The following FSHR variants were observed in gnomAD, a reference collection of about 807,000 sequenced individuals.
FSHR encodes the protein follicle stimulating hormone receptor.
FSHR carries 46 observed loss-of-function variants against 52.1 expected under a neutral mutation model. That is an observed-to-expected ratio of 0.88 (90% CI 0.70 to 1.13). The LOEUF is 1.13. Ranked by LOEUF, FSHR falls within the 50% of genes most tolerant of loss-of-function variation. FSHR has a pLI of 0.00. For synonymous variants in FSHR, 399 were observed against 309.6 expected, an observed-to-expected ratio of 1.29 and a Z score of -3.03; for missense variants, 964 against 834.6, an observed-to-expected ratio of 1.16 and a Z score of -1.91.
intron 4 of FSHR, among the ~76,000 whole-genome samples, chr2:49,015,773 G>C (rs560188897): frequency 6.6e-6 from 1 of 152,284 alleles, no homozygotes; most frequent in African/African-American, 2.4e-5. Context: ...AGCAGGACTG[G>C]CTACGTAATT....
chr2:49,040,068 T>C (rs1668426685), intron 2 of FSHR, among the ~76,000 whole-genome samples: 1 of 152,182 alleles, frequency 6.6e-6, no homozygotes, highest in African/African-American at 2.4e-5. Context: ...GGAGAGTCTA[T>C]AGGTTATCAA....
Position 49,121,725 on chromosome 2 carries a change from C to T in FSHR, c.152+32541G>A, listed in dbSNP as rs527287483. On this transcript the variant is annotated intron_variant, in intron 1 of 9. Coordinates refer to ENST00000406846, the MANE Select transcript of FSHR (RefSeq NM_000145.4). ...TGCATAGCAACCTTAACTCCAACAT[C>T]GGAGTTTGTCACCCAAAAACTGGTT... 7.2e-5 allele frequency among the ~76,000 whole-genome samples: 11 copies of T among 152,290 alleles called. No individual in the cohort carries two copies. In the South Asian group the frequency reaches 1.5e-3, roughly 20 times the overall value.
intron 1 of FSHR, among the ~76,000 whole-genome samples, chr2:49,071,936 A>T (rs990640699): frequency 7.2e-5 from 11 of 152,168 alleles, no homozygotes; most frequent in Admixed American, 7.2e-4. Flanking sequence ...CCCGTGACAC[A>T]GTCACCTCCC....
intron 4 of FSHR, among the ~76,000 whole-genome samples, chr2:49,012,722 T>G (rs1667317710): frequency 6.6e-6 from 1 of 152,124 alleles, no homozygotes. Flanking sequence ...CCCCACTGAA[T>G]TCCTTCATCC....
intron 1 of FSHR, among the ~76,000 whole-genome samples, chr2:49,090,218 G>A (rs984996004): frequency 3.3e-5 from 5 of 151,856 alleles, no homozygotes; most frequent in Non-Finnish European, 5.9e-5. Context: ...CACCACAATC[G>A]GGATATGGAA....
intron 2 of FSHR, among the ~76,000 whole-genome samples, chr2:49,051,461 T>G (rs1015709166): frequency 2.0e-5 from 3 of 152,150 alleles, no homozygotes; most frequent in Non-Finnish European, 4.4e-5. Flanking sequence ...TTCGTATGCT[T>G]ATTGCCGATT....
chr2:49,143,271 A>T (rs756440513), intron 1 of FSHR, among the ~76,000 whole-genome samples: 4 of 152,162 alleles, frequency 2.6e-5, no homozygotes, highest in Non-Finnish European at 4.4e-5. Context: ...AAAGTCAAAA[A>T]AGGAACATGT....
At chr2:49,094,512 T>A (rs77105935) in intron 1 of FSHR, among the ~76,000 whole-genome samples, 2 of 152,314 alleles carry the variant, frequency 1.3e-5, no homozygotes, top group South Asian at 4.1e-4. Context: ...TTAGTTTTCA[T>A]TATTTTGAGA....
At chr2:49,033,299 C>G (rs1000321498) in intron 2 of FSHR, among the ~76,000 whole-genome samples, 1 of 151,956 alleles carries the variant, frequency 6.6e-6, no homozygotes, top group Non-Finnish European at 1.5e-5. Context: ...TTTTTCATTG[C>G]TTGCTGCTTG....
intron 4 of FSHR, among the ~76,000 whole-genome samples, chr2:49,003,879 T>C (rs969837006): frequency 6.7e-6 from 1 of 148,802 alleles, no homozygotes; most frequent in African/African-American, 2.5e-5. Context: ...CTGCCCTGCC[T>C]CCTCTGGCCC....
chr2:49,101,256 T>G (rs925229824), intron 1 of FSHR, among the ~76,000 whole-genome samples: 4 of 152,102 alleles, frequency 2.6e-5, no homozygotes, highest in Non-Finnish European at 4.4e-5. Flanking sequence ...AAAGAAAAAC[T>G]TTATTTCCTG....
At chr2:49,065,744 T>C (rs938191237) in intron 2 of FSHR, among the ~76,000 whole-genome samples, 1 of 151,778 alleles carries the variant, frequency 6.6e-6, no homozygotes, top group Non-Finnish European at 1.5e-5. Context: ...CATTCAAGGG[T>C]GGAGCTAGAA....
intron 1 of FSHR, among the ~76,000 whole-genome samples, chr2:49,071,545 A>G (rs558902945): frequency 3.3e-5 from 5 of 152,338 alleles, no homozygotes; most frequent in African/African-American, 9.6e-5. Context: ...TCCAGGAGGA[A>G]GGCACAAAAC....
At chr2:49,127,490 C>A (rs2103796445) in intron 1 of FSHR, among the ~76,000 whole-genome samples, 1 of 151,410 alleles carries the variant, frequency 6.6e-6, no homozygotes, top group Non-Finnish European at 1.5e-5. Flanking sequence ...TTCTGAAATA[C>A]CCTGTTTCTT....
intron 8 of FSHR, among the ~76,000 whole-genome samples, chr2:48,977,331 T>G (rs1184227892): frequency 6.6e-6 from 1 of 152,202 alleles, no homozygotes; most frequent in African/African-American, 2.4e-5. Context: ...TTGATAGTCA[T>G]GCAGAAGAGT....
chr2:48,986,679 A>G (rs529539939), intron 6 of FSHR, among the ~76,000 whole-genome samples: 22 of 152,210 alleles, frequency 1.4e-4, no homozygotes, highest in Non-Finnish European at 2.5e-4. Context: ...ATCAGTGTCC[A>G]TGAACAGGAG....
rs76129608 is a variant in FSHR, at chr2:49,100,749, A to T, written c.153-32459T>A. Among the ~76,000 whole-genome samples, 303 of 152,336 alleles carry T rather than the reference A, an allele frequency of 2.0e-3. 12 individuals carry two copies. The East Asian group carries it at 0.056, about 28-fold the overall frequency. The stretch of plus-strand genomic sequence containing the variant: ...ATGTAAGAAGAATGTAGCACTATCA[A>T]TCTAAATCATTATTATTCTAGGTTT... On this transcript the variant is annotated intron_variant, in intron 1 of 9. Transcript: ENST00000406846.
intron 4 of FSHR, among the ~76,000 whole-genome samples, chr2:49,004,473 G>T (rs1210425731): frequency 1.3e-5 from 2 of 152,100 alleles, no homozygotes; most frequent in East Asian, 1.9e-4. Flanking sequence ...CCTCGTGTGG[G>T]GCCTGAATAT....
At chr2:49,127,820 CTT>C (rs1558456541) in intron 1 of FSHR, among the ~76,000 whole-genome samples, 77 of 51,478 alleles carry the variant, frequency 1.5e-3, no homozygotes, top group African/African-American at 4.7e-3. Context: ...TCTTCTTCTT[CTT>C]CTTCTTCCTC....
Sources: gnomAD v4.1 joint callset for allele counts (sites outside exome capture counted in the v4.1 genomes callset) on GRCh38, gnomAD v4.1.1 for gene constraint, MANE v1.5 for transcripts, NCBI Gene and HGNC (gene_info 2026-07-23, HGNC 2026-07-21) for gene names.